Variants in ERCC8 observed in about 807,000 individuals in gnomAD.
ERCC8 encodes the protein ERCC excision repair 8, CSA ubiquitin ligase complex subunit, also known as DNA excision repair protein ERCC-8.
A neutral mutation model predicts 54.9 loss-of-function variants in ERCC8; 52 were observed. The observed-to-expected ratio is 0.95, with a 90% CI of 0.76 to 1.19. ERCC8 has a LOEUF of 1.19. Among genes scored for constraint, ERCC8 ranks in the 50% most tolerant of loss-of-function variants. ERCC8 has a pLI of 0.00. For synonymous variants in ERCC8, 146 were observed against 157.2 expected (o/e 0.93, Z 0.53); for missense variants, 514 against 466.1 (o/e 1.10, Z -0.95).
chr5:60,938,551 A>C (rs546609588), intron 1 of ERCC8, among the ~76,000 whole-genome samples: 71 of 151,508 alleles, frequency 4.7e-4, no homozygotes, highest in Middle Eastern at 6.8e-3. Context: ...ACGGGGTTTC[A>C]CCATGTTGGC....
chr5:60,913,509 G>A (rs1749335654), intron 4 of ERCC8, among the ~76,000 whole-genome samples: 1 of 152,024 alleles, frequency 6.6e-6, no homozygotes, highest in African/African-American at 2.4e-5. Context: ...CTTGCTAGCA[G>A]TCTATCAGTT....
chr5:60,879,110 C>T lies in ERCC8; in HGVS notation c.1123-4427G>A, dbSNP rs190447513. 1.8e-3 allele frequency among the ~76,000 whole-genome samples: 275 copies of T among 152,190 alleles called. 4 individuals carry two copies. Among genetic ancestry groups the T allele is most frequent in the African/African-American group, 6.5e-3 (268 of 41,526 alleles). On this transcript the variant is annotated intron_variant, in intron 11 of 11. Coordinates refer to ENST00000676185, the MANE Select transcript of ERCC8 (RefSeq NM_000082.4). ...TTTCAAAGAACATCTTTATTTCTGC[C>T]TTCATTTCGTTATGTACCCAGTAGT...
chr5:60,906,842 T>C (rs546239327), intron 4 of ERCC8, among the ~76,000 whole-genome samples: 1 of 152,332 alleles, frequency 6.6e-6, no homozygotes, highest in South Asian at 2.1e-4. Flanking sequence ...CCAGCAATAA[T>C]TAAGGCAGCT....
At chr5:60,930,297 G>A (rs909487268) in intron 1 of ERCC8, among the ~76,000 whole-genome samples, 1 of 152,164 alleles carries the variant, frequency 6.6e-6, no homozygotes, top group Non-Finnish European at 1.5e-5. Context: ...TAGGTGCGGC[G>A]GCTCATGCCT....
At chr5:60,927,902 T>C (rs1016589912) in intron 2 of ERCC8, among the ~76,000 whole-genome samples, 3 of 152,200 alleles carry the variant, frequency 2.0e-5, no homozygotes, top group Admixed American at 1.3e-4. Flanking sequence ...AAGTAAAAAG[T>C]GGAAGTTTAT....
In ERCC8 at chr5:60,871,229, G is replaced by T. The variant is rs1321596631; in HGVS notation, c.*3386C>A. 1.3e-5 allele frequency among the ~76,000 whole-genome samples: 2 copies of T among 152,158 alleles called. No individual in the cohort carries two copies. Among genetic ancestry groups the T allele is most frequent in the Non-Finnish European group, 2.9e-5 (2 of 68,028 alleles). ...AATAAACATGTAGCCTTGAACAGGG[G>T]ACCAGCTGAAAACAACTGGGGGACA... On this transcript the variant is annotated 3_prime_UTR_variant, in exon 12 of 12. Transcript: ENST00000676185.
At chr5:60,924,902 T>C (rs1215350199) in intron 2 of ERCC8, among the ~76,000 whole-genome samples, 3 of 152,156 alleles carry the variant, frequency 2.0e-5, no homozygotes, top group Admixed American at 6.5e-5. Context: ...GGTTTTCTAA[T>C]AACTTAACAT....
intron 4 of ERCC8, among the ~76,000 whole-genome samples, chr5:60,917,233 T>C (rs766191028): frequency 1.3e-5 from 2 of 152,018 alleles, no homozygotes; most frequent in South Asian, 2.1e-4. Flanking sequence ...TCAATGTAAT[T>C]GTAAAAAAAG....
Position 60,870,414 on chromosome 5 carries a change from G to A in ERCC8, c.*4201C>T, listed in dbSNP as rs1303710297. On this transcript the variant is annotated 3_prime_UTR_variant, in exon 12 of 12. Transcript: ENST00000676185. ...AATCCCAGCACTTTGGGAGGCCGAG[G>A]CTGGTGGATCACTAGAGCCCAGGAG... Among the ~76,000 whole-genome samples the A allele has an allele frequency of 6.7e-6, 1 of 149,586 alleles. No individual in the cohort carries two copies. Among genetic ancestry groups the A allele is most frequent in the Non-Finnish European group, 1.5e-5 (1 of 67,748 alleles).
intron 4 of ERCC8, among the ~76,000 whole-genome samples, chr5:60,905,968 A>T (rs1431264639): frequency 6.6e-6 from 1 of 151,952 alleles, no homozygotes; most frequent in Non-Finnish European, 1.5e-5. Flanking sequence ...GCACTAAGCC[A>T]CTTCTGGGTG....
chr5:60,882,128 A>G (rs1185467447), intron 11 of ERCC8, among the ~76,000 whole-genome samples: 2 of 152,120 alleles, frequency 1.3e-5, no homozygotes, highest in East Asian at 1.9e-4. Context: ...GGCGTGAGCC[A>G]CTGCGCCCGG....
chr5:60,899,560 T>C, intron 8 of ERCC8, 67 bp downstream of exon 8: 1 of 1,185,310 alleles, frequency 8.4e-7, no homozygotes, highest in South Asian at 1.2e-5. Flanking sequence ...TTATGTGGCT[T>C]CAATTAAAAA....
intron 4 of ERCC8, among the ~76,000 whole-genome samples, chr5:60,909,273 A>AAAAAAAAAAAAAAAAAAC (rs1749179547): frequency 7.2e-6 from 1 of 138,900 alleles, no homozygotes; most frequent in Admixed American, 7.4e-5. Context: ...AAAAAAAAAA[A>AAAAAAAAAAAAAAAAAAC]AAAAAGCCAC....
intron 4 of ERCC8, among the ~76,000 whole-genome samples, chr5:60,912,344 C>T (rs1312633960): frequency 1.3e-5 from 2 of 152,060 alleles, no homozygotes; most frequent in African/African-American, 4.8e-5. Context: ...ATTTCATTCT[C>T]TTTGTAGCAA....
chr5:60,939,811 A>G (rs1338752199), intron 1 of ERCC8, among the ~76,000 whole-genome samples: 1 of 152,164 alleles, frequency 6.6e-6, no homozygotes, highest in Non-Finnish European at 1.5e-5. Flanking sequence ...GTATCATTCC[A>G]GTGTTTTCTA....
intron 2 of ERCC8, among the ~76,000 whole-genome samples, chr5:60,926,811 A>G (rs1749763275): frequency 6.6e-6 from 1 of 152,238 alleles, no homozygotes; most frequent in Non-Finnish European, 1.5e-5. Context: ...TATTATCAAT[A>G]TAAAACAAAA....
Position 60,918,335 on chromosome 5 carries a change from T to C in ERCC8, c.329A>G (p.His110Arg), listed in dbSNP as rs375245148. The C allele has an allele frequency of 2.0e-5, 32 of 1,600,584 alleles. No individual in the cohort carries two copies. The highest frequency in any genetic ancestry group is 2.2e-5 in the Non-Finnish European group (26 of 1,168,166). The change falls in exon 4 of 12, where the codon CAT becomes CGT. Residue 110 changes from histidine (H) to arginine (R), a missense_variant. His to Arg is a conservative substitution (Grantham distance 29). Transcript: ENST00000676185. ...GCTTGATGTGAACATGCCAGTGTCA[T>C]GAGGATACCACTGTACAGTCTCCAC... ...YSVETVQWYP[H>R]DTGMFTSSSF... is the part of the protein sequence containing the mutation.
chr5:60,901,060 T>TAA (rs1427027404), intron 7 of ERCC8, among the ~76,000 whole-genome samples: 1 of 151,342 alleles, frequency 6.6e-6, no homozygotes, highest in South Asian at 2.1e-4. Context: ...GCTGGCAACT[T>TAA]AAAAAAAAAT....
chr5:60,923,097 A>C (rs112297102), intron 2 of ERCC8, among the ~76,000 whole-genome samples: 2 of 143,874 alleles, frequency 1.4e-5, no homozygotes, highest in Non-Finnish European at 3.1e-5. Context: ...CAAACCACTG[A>C]AGCCTTACTT....
Sources: allele counts gnomAD v4.1 joint callset (sites outside exome capture counted in the v4.1 genomes callset), GRCh38; gene constraint gnomAD v4.1.1; transcripts MANE v1.5; gene names NCBI Gene and HGNC (gene_info 2026-07-23, HGNC 2026-07-21).